Variants in WWOX observed in about 807,000 individuals in gnomAD.
The protein encoded by WWOX is WW domain containing oxidoreductase, also known as WW domain-containing oxidoreductase.
WWOX carries 69 observed loss-of-function variants against 46.2 expected under a neutral mutation model. The ratio of observed to expected loss-of-function variants is 1.49; its 90% CI spans 1.23 to 1.82. WWOX has a LOEUF of 1.82. WWOX is among the 40% of genes most tolerant of loss of function. WWOX has a pLI of 0.00. For synonymous variants in WWOX, 359 were observed against 202.6 expected (o/e 1.77, Z -6.56); for missense variants, 919 against 542.6 (o/e 1.69, Z -6.89).
chr16:78,351,825 T>C (rs534517907), intron 5 of WWOX, among the ~76,000 whole-genome samples: 1 of 152,170 alleles, frequency 6.6e-6, no homozygotes, highest in East Asian at 1.9e-4. Flanking sequence ...CCCAGCTAAT[T>C]TTTATATTTT....
intron 8 of WWOX, among the ~76,000 whole-genome samples, chr16:78,859,557 G>C (rs117694282): frequency 2.0e-4 from 31 of 152,204 alleles, no homozygotes; most frequent in African/African-American, 5.8e-4. Context: ...TAAAACTTCA[G>C]ATTTTTCCTG....
intron 8 of WWOX, among the ~76,000 whole-genome samples, chr16:79,158,132 G>A (rs1037762776): frequency 7.9e-5 from 12 of 152,174 alleles, no homozygotes; most frequent in African/African-American, 2.9e-4. Context: ...GTTCCCACAA[G>A]AGAGAAGTAG....
chr16:78,205,766 C>A (rs1055201749), intron 5 of WWOX, among the ~76,000 whole-genome samples: 1 of 152,014 alleles, frequency 6.6e-6, no homozygotes, highest in Admixed American at 6.6e-5. Context: ...CATCTACCCA[C>A]CCCACCCACC....
chr16:78,486,820 C>A (rs888248814), intron 8 of WWOX, among the ~76,000 whole-genome samples: 1 of 152,230 alleles, frequency 6.6e-6, no homozygotes, highest in African/African-American at 2.4e-5. Flanking sequence ...GATCCACTCG[C>A]CTCGGCCTCC....
chr16:78,959,153 G>T (rs1042774062), intron 8 of WWOX, among the ~76,000 whole-genome samples: 1 of 152,174 alleles, frequency 6.6e-6, no homozygotes, highest in African/African-American at 2.4e-5. Flanking sequence ...TCCTTGTAGA[G>T]TATGAAAGTA....
rs919884691 is a variant in WWOX, at chr16:78,350,933, G to C, written c.517-35927G>C. On this transcript the variant is annotated intron_variant, in intron 5 of 8. Coordinates refer to ENST00000566780, the MANE Select transcript of WWOX (RefSeq NM_016373.4). ...CTAACCAGCAGTGTAGGAAGGTTCC[G>C]ATTTCTCCATATCTTCACCAGCACT... 6.9e-5 allele frequency among the ~76,000 whole-genome samples: 4 copies of C among 57,588 alleles called. 1 individual carries two copies. The highest frequency in any genetic ancestry group is 2.2e-4 in the Non-Finnish European group (4 of 18,402). 37.8% of individuals were successfully genotyped at this position (57,588 alleles called of 152,430 possible).
intron 5 of WWOX, among the ~76,000 whole-genome samples, chr16:78,263,382 C>T (rs1168434182): frequency 1.3e-5 from 2 of 152,160 alleles, no homozygotes; most frequent in South Asian, 4.1e-4. Flanking sequence ...CATGTGCTCA[C>T]CCCTTAATTC....
chr16:78,631,242 G>T (rs533672522), intron 8 of WWOX, among the ~76,000 whole-genome samples: 5 of 152,268 alleles, frequency 3.3e-5, no homozygotes, highest in African/African-American at 1.2e-4. Flanking sequence ...ATGCAGGTCA[G>T]TCGTGACATC....
intron 5 of WWOX, among the ~76,000 whole-genome samples, chr16:78,212,621 C>G (rs2036592883): frequency 6.6e-6 from 1 of 152,144 alleles, no homozygotes; most frequent in Non-Finnish European, 1.5e-5. Context: ...TTCTACAAAT[C>G]TGAATTAGGT....
chr16:78,310,351 C>T (rs1340705765), intron 5 of WWOX, among the ~76,000 whole-genome samples: 20 of 152,332 alleles, frequency 1.3e-4, no homozygotes, highest in Admixed American at 8.5e-4. Context: ...CATGCACGCA[C>T]ACACAGCCTG....
At chr16:78,194,724 C>G (rs1416005469) in intron 5 of WWOX, among the ~76,000 whole-genome samples, 1 of 152,138 alleles carries the variant, frequency 6.6e-6, no homozygotes, top group Admixed American at 6.5e-5. Flanking sequence ...ACCCCCAACC[C>G]CAAACCCCTA....
intron 8 of WWOX, among the ~76,000 whole-genome samples, chr16:78,606,465 A>G (rs78136943): frequency 0.034 from 5,152 of 152,212 alleles, 109 homozygotes; most frequent in Non-Finnish European, 0.044. Flanking sequence ...AAGAAAAAAA[A>G]AAGGGTGCTT....
At chr16:78,829,130 G>GGA (rs1161441646) in intron 8 of WWOX, among the ~76,000 whole-genome samples, 9 of 137,376 alleles carry the variant, frequency 6.6e-5, no homozygotes, top group Admixed American at 2.9e-4. Context: ...ATGGATGGAT[G>GGA]GAGAGAGAGA....
chr16:78,445,900 A>AT, intron 8 of WWOX, among the ~76,000 whole-genome samples: 1 of 132,384 alleles, frequency 7.6e-6, no homozygotes, highest in East Asian at 2.3e-4. Context: ...AGGGCAGGGG[A>AT]GGGGGGAAAG....
chr16:78,691,338 C>G (rs117970920), intron 8 of WWOX: 10,962 of 698,926 alleles, frequency 0.016, 136 homozygotes, highest in South Asian at 0.034. Flanking sequence ...TCATTTTCAA[C>G]ATAGCTTTAT....
chr16:78,510,270 A>G (rs1168654432), intron 8 of WWOX, among the ~76,000 whole-genome samples: 13 of 152,038 alleles, frequency 8.6e-5, no homozygotes. Context: ...AGGTGGCGCG[A>G]TCTCCACTCA....
intron 8 of WWOX, among the ~76,000 whole-genome samples, chr16:79,145,548 G>C (rs989790113): frequency 6.6e-6 from 1 of 152,078 alleles, no homozygotes; most frequent in East Asian, 1.9e-4. Flanking sequence ...TTTTCCATTA[G>C]AATCAGAAAC....
At chr16:78,770,988 A>G (rs1394671324) in intron 8 of WWOX, among the ~76,000 whole-genome samples, 1 of 152,224 alleles carries the variant, frequency 6.6e-6, no homozygotes, top group African/African-American at 2.4e-5. Context: ...CATTTGGAGC[A>G]GAGACATGAA....
At chr16:78,165,119 TG>T (rs2151736421) in intron 5 of WWOX, among the ~76,000 whole-genome samples, 1 of 152,210 alleles carries the variant, frequency 6.6e-6, no homozygotes, top group Admixed American at 6.5e-5. Context: ...GAGGTGCTGT[TG>T]GGGGATGGGT....
Sources: allele counts gnomAD v4.1 joint callset (sites outside exome capture counted in the v4.1 genomes callset), GRCh38; gene constraint gnomAD v4.1.1; transcripts MANE v1.5; gene names NCBI Gene and HGNC (gene_info 2026-07-23, HGNC 2026-07-21).